Variants in CD2AP observed in about 807,000 individuals in gnomAD.
The protein encoded by CD2AP is CD2 associated protein, also known as CD2-associated protein.
CD2AP carries 46 observed loss-of-function variants against 85.1 expected under a neutral mutation model. That is an observed-to-expected ratio of 0.54 (90% CI 0.43 to 0.69). CD2AP has a LOEUF of 0.69. Ranked by LOEUF, CD2AP falls within the 30% of genes least tolerant of loss-of-function variation. The pLI is 0.00. For synonymous variants in CD2AP, 255 were observed against 252.9 expected, an observed-to-expected ratio of 1.01 and a Z score of -0.08; for missense variants, 769 against 729.5, an observed-to-expected ratio of 1.05 and a Z score of -0.62.
At chr6:47,601,945 A>G (rs1475642810) in intron 13 of CD2AP, among the ~76,000 whole-genome samples, 3 of 151,958 alleles carry the variant, frequency 2.0e-5, no homozygotes, top group Non-Finnish European at 4.4e-5. Flanking sequence ...CTAACAATGG[A>G]ATGATTTAGT....
chr6:47,540,646 C>T (rs1382190565), intron 3 of CD2AP, among the ~76,000 whole-genome samples: 1 of 151,918 alleles, frequency 6.6e-6, no homozygotes, highest in African/African-American at 2.4e-5. Flanking sequence ...AGAAATAAAG[C>T]TCTTGGGTAA....
intron 9 of CD2AP, among the ~76,000 whole-genome samples, chr6:47,580,513 C>G (rs1319318784): frequency 6.6e-6 from 1 of 151,822 alleles, no homozygotes. Context: ...TTCCTCTCCC[C>G]ACAACCCCAG....
chr6:47,548,433 AC>A (rs1767424937), intron 4 of CD2AP, among the ~76,000 whole-genome samples: 1 of 152,152 alleles, frequency 6.6e-6, no homozygotes, highest in South Asian at 2.1e-4. Context: ...TTTTTTCTGC[AC>A]ATAAACTAGA....
chr6:47,584,703 A>T lies in CD2AP; in HGVS notation c.1108+2638A>T, dbSNP rs1768574719. On this transcript the variant is annotated intron_variant, in intron 11 of 17. Coordinates refer to ENST00000359314, the MANE Select transcript of CD2AP (RefSeq NM_012120.3). ...TTCTTTTTTTATACTTAAGAATTTT[A>T]AAAATATGCTGCACAAACAATTTAT... 2.6e-5 allele frequency among the ~76,000 whole-genome samples: 4 copies of T among 152,044 alleles called. 1 individual carries two copies. The highest frequency in any genetic ancestry group is 1.3e-4 in the Admixed American group (2 of 15,282).
intron 17 of CD2AP, among the ~76,000 whole-genome samples, chr6:47,617,590 A>G (rs893250096): frequency 6.6e-6 from 1 of 152,188 alleles, no homozygotes; most frequent in Non-Finnish European, 1.5e-5. Context: ...GGTACCTTGT[A>G]CATAGTTCTC....
At chr6:47,567,302 A>G (rs1295526440) in intron 5 of CD2AP, among the ~76,000 whole-genome samples, 9 of 152,170 alleles carry the variant, frequency 5.9e-5, no homozygotes, top group African/African-American at 2.2e-4. Flanking sequence ...GGGTATTCCA[A>G]AATCTGAAAT....
intron 16 of CD2AP, among the ~76,000 whole-genome samples, chr6:47,611,322 G>T (rs1030715896): frequency 6.6e-6 from 1 of 151,424 alleles, no homozygotes; most frequent in African/African-American, 2.4e-5. Flanking sequence ...TTTGCGTGTG[G>T]CAAAATTAGA....
intron 16 of CD2AP, among the ~76,000 whole-genome samples, chr6:47,611,089 TAAA>T (rs1769427331): frequency 6.7e-6 from 1 of 148,358 alleles, no homozygotes; most frequent in Admixed American, 6.7e-5. Context: ...TTTTAATATC[TAAA>T]AAACTTGCAT....
intron 4 of CD2AP, among the ~76,000 whole-genome samples, chr6:47,551,710 G>T (rs991909542): frequency 6.6e-6 from 1 of 152,142 alleles, no homozygotes; most frequent in African/African-American, 2.4e-5. Context: ...TAGCCCAAAT[G>T]GCTTGTGTGG....
intron 5 of CD2AP, among the ~76,000 whole-genome samples, chr6:47,573,550 G>A (rs189473538): frequency 1.7e-3 from 249 of 146,258 alleles, no homozygotes; most frequent in African/African-American, 6.0e-3. Context: ...GTGCAGTGGC[G>A]TGATCTTGGC....
intron 5 of CD2AP, among the ~76,000 whole-genome samples, chr6:47,568,941 T>C (rs569341421): frequency 1.3e-5 from 2 of 152,040 alleles, no homozygotes; most frequent in South Asian, 2.1e-4. Flanking sequence ...TATGAGAGTG[T>C]GGTAGTCAGT....
intron 4 of CD2AP, among the ~76,000 whole-genome samples, chr6:47,546,671 T>C (rs896393422): frequency 2.6e-5 from 4 of 151,998 alleles, no homozygotes; most frequent in African/African-American, 9.7e-5. Context: ...ATATAGGAAG[T>C]TCAAAGGACA....
At chr6:47,596,568 C>T (rs4715033) in intron 12 of CD2AP, among the ~76,000 whole-genome samples, 133,060 of 152,138 alleles carry the variant, frequency 0.87, 58,496 homozygotes, top group Non-Finnish European at 0.92. Flanking sequence ...CCAGATTCGT[C>T]GATGATGTTG....
chr6:47,594,494 ATT>A (rs1013062756), intron 11 of CD2AP, among the ~76,000 whole-genome samples: 78 of 152,040 alleles, frequency 5.1e-4, no homozygotes, highest in African/African-American at 1.8e-3. Flanking sequence ...AAATAAATAT[ATT>A]CAATCAGTGA....
At chr6:47,543,543 G>C (rs902623585) in intron 3 of CD2AP, among the ~76,000 whole-genome samples, 1 of 152,316 alleles carries the variant, frequency 6.6e-6, no homozygotes, top group East Asian at 1.9e-4. Flanking sequence ...TGTCAGGGTT[G>C]GTTTCTGGTG....
intron 11 of CD2AP, among the ~76,000 whole-genome samples, chr6:47,593,842 T>C (rs72872603): frequency 0.077 from 11,707 of 152,154 alleles, 465 homozygotes; most frequent in South Asian, 0.13. Context: ...GTATTGTATG[T>C]AAATATTCAT....
At chr6:47,504,009 T>A (rs936787101) in intron 2 of CD2AP, among the ~76,000 whole-genome samples, 4 of 152,242 alleles carry the variant, frequency 2.6e-5, no homozygotes. Flanking sequence ...ATAGCAGTTA[T>A]CTGCCAAACT....
rs1338314912 is a variant in CD2AP, at chr6:47,544,660, A to T, written c.374A>T (p.Asp125Val). 6.2e-7 allele frequency: 1 copy of T among 1,613,128 alleles called. No individual in the cohort carries two copies. The highest frequency in any genetic ancestry group is 8.5e-7 in the Non-Finnish European group (1 of 1,179,300). ...TTTGAGTACATTCCACAAAATGAGG[A>T]TGAACTGGAGCTGAAAGTGGGAGAT... Reference protein sequence around the residue: ...VLFEYIPQNEDELELKVGDII... With the variant: ...VLFEYIPQNEVELELKVGDII... Residue 125 changes from aspartate to valine, a missense_variant, in exon 4 of 18, where the codon GAT (aspartate) becomes GTT (valine). By Grantham distance (152) the Asp-to-Val change is radical. Transcript: ENST00000359314.
chr6:47,599,310 G>A lies in CD2AP; in HGVS notation c.1284G>A (p.Gly428=). ...TTTTTTCTTATTTCAGGATTAATGGGGAAGTTTCTAGCATTTCATCAAAAT... is the reference window on the plus strand; with the variant it reads ...TTTTTTCTTATTTCAGGATTAATGGAGAAGTTTCTAGCATTTCATCAAAAT... ...PPPPPIAKIN[G]EVSSISSKFE... Residue 428 remains glycine (G), a synonymous_variant, in exon 13 of 18, where the codon GGG becomes GGA. Coordinates refer to ENST00000359314, the MANE Select transcript of CD2AP (RefSeq NM_012120.3). 2 of 1,611,762 alleles carry A rather than the reference G, an allele frequency of 1.2e-6. No homozygotes were observed. The highest frequency in any genetic ancestry group is 2.2e-5 in the South Asian group (2 of 91,016).
Sources: allele counts gnomAD v4.1 joint callset (sites outside exome capture counted in the v4.1 genomes callset), GRCh38; gene constraint gnomAD v4.1.1; transcripts MANE v1.5; gene names NCBI Gene and HGNC (gene_info 2026-07-23, HGNC 2026-07-21).